Variants in SLC25A48 observed in about 807,000 individuals in gnomAD.
SLC25A48 encodes the protein solute carrier family 25 member 48.
SLC25A48 carries 29 observed loss-of-function variants against 32.2 expected under a neutral mutation model. That is an observed-to-expected ratio of 0.90 (90% confidence interval 0.67 to 1.23). The LOEUF is 1.23. Ranked by LOEUF, SLC25A48 falls within the 50% of genes most tolerant of loss-of-function variation. The probability of loss-of-function intolerance (pLI) is 0.00; values close to 1 mark genes in which losing one functional copy is unlikely to be tolerated. For missense variants in SLC25A48, 399 were observed against 422.7 expected (o/e 0.94, Z 0.49); for synonymous variants, 164 against 172.3 (o/e 0.95, Z 0.38).
At chr5:135,839,721 A>G (rs1238274921) in intron 1 of SLC25A48, among the ~76,000 whole-genome samples, 1 of 152,190 alleles carries the variant, frequency 6.6e-6, no homozygotes, top group East Asian at 1.9e-4. Context: ...AGCTCCCATA[A>G]TATGTCATGG....
chr5:135,806,778 A>C (rs1757473207), intron 3 of SLC25A48, among the ~76,000 whole-genome samples: 1 of 150,066 alleles, frequency 6.7e-6, no homozygotes, highest in South Asian at 2.1e-4. Context: ...AGTGTGTTAA[A>C]ACTAGACATT....
chr5:135,629,869 A>G lies in SLC25A48; in HGVS notation c.-709+493A>G, dbSNP rs1358097241. Among the ~76,000 whole-genome samples the G allele has an allele frequency of 6.6e-6, 1 of 152,202 alleles. No individual in the cohort carries two copies. Among genetic ancestry groups the G allele is most frequent in the Non-Finnish European group, 1.5e-5 (1 of 68,036 alleles). The stretch of plus-strand genomic sequence containing the variant: ...GAAAACCCTAGGGCAGAAACTATCA[A>G]GAACTTGCCGAAAGTAGTTGGAAGT... On this transcript the variant is annotated intron_variant, in intron 2 of 10. Transcript: ENST00000646290. This position sits in a 1 kb window ranked among gnomAD's most constrained non-coding sequence, Gnocchi z 4.8.
chr5:135,817,705 CTT>C (rs753675540), intron 4 of SLC25A48, among the ~76,000 whole-genome samples: 16 of 152,136 alleles, frequency 1.1e-4, no homozygotes, highest in Non-Finnish European at 2.4e-4. Flanking sequence ...CCTAGAAAGA[CTT>C]TGTTAATAAA....
chr5:135,596,605 G>A (rs2126880266), intron 1 of SLC25A48, among the ~76,000 whole-genome samples: 1 of 152,272 alleles, frequency 6.6e-6, no homozygotes, highest in South Asian at 2.1e-4. Context: ...GAGCAGAGGT[G>A]CTCAGTTGTC....
intron 3 of SLC25A48, among the ~76,000 whole-genome samples, chr5:135,761,801 C>T (rs2127018224): frequency 6.6e-6 from 1 of 152,270 alleles, no homozygotes; most frequent in Admixed American, 6.5e-5. Flanking sequence ...AGAGGTGAGA[C>T]CTCACTGTCC....
chr5:135,730,872 A>G (rs1472140857), intron 3 of SLC25A48, among the ~76,000 whole-genome samples: 1 of 152,198 alleles, frequency 6.6e-6, no homozygotes, highest in Non-Finnish European at 1.5e-5. Context: ...TCTGGTTTAC[A>G]GAGGAGGAAA....
At chr5:135,779,169 A>G (rs1036424242) in intron 3 of SLC25A48, among the ~76,000 whole-genome samples, 5 of 151,886 alleles carry the variant, frequency 3.3e-5, no homozygotes, top group African/African-American at 1.2e-4. Context: ...ATTGTTCCTA[A>G]TATCCAGAGC....
intron 1 of SLC25A48, among the ~76,000 whole-genome samples, chr5:135,625,018 C>T (rs1261417424): frequency 2.0e-5 from 3 of 152,134 alleles, no homozygotes; most frequent in East Asian, 1.9e-4. Flanking sequence ...CTCTCTGTCA[C>T]AGGGGAGAAG....
chr5:135,732,329 C>T (rs550513065), intron 3 of SLC25A48, among the ~76,000 whole-genome samples: 5 of 152,156 alleles, frequency 3.3e-5, no homozygotes, highest in African/African-American at 4.8e-5. Flanking sequence ...AAGGCCAAAC[C>T]GAGGAATTAT....
chr5:135,763,758 CACACAT>C lies in SLC25A48; in HGVS notation c.-520-48759_-520-48754del, dbSNP rs1020630543. 4.7e-4 allele frequency among the ~76,000 whole-genome samples: 42 copies of C among 88,438 alleles called. 1 individual carries two copies. Among genetic ancestry groups the C allele is most frequent in the South Asian group, 1.3e-3 (3 of 2,372 alleles). The allele number at this position is 88,438 out of a possible 152,430, so 58.0% of individuals were successfully genotyped here. On this transcript the variant is annotated intron_variant, in intron 3 of 10. Coordinates refer to the SLC25A48 transcript ENST00000646290. ...TTAGGAAACCGGAGAAATAGGAACA[CACACAT>C]ACACACACACACACACACACACACA...
chr5:135,794,916 G>C (rs1287497718), intron 3 of SLC25A48, among the ~76,000 whole-genome samples: 1 of 151,268 alleles, frequency 6.6e-6, no homozygotes, highest in East Asian at 1.9e-4. Context: ...CTGTGGGAAA[G>C]AAAGTGGTAT....
chr5:135,650,768 T>C (rs1753092500), intron 3 of SLC25A48, among the ~76,000 whole-genome samples: 2 of 152,108 alleles, frequency 1.3e-5, no homozygotes, highest in Admixed American at 1.3e-4. Context: ...ATTGAGCCTG[T>C]CATCTTTGTG....
intron 5 of SLC25A48, chr5:135,872,203 C>A: frequency 3.3e-6 from 1 of 302,396 alleles, no homozygotes; most frequent in Admixed American, 5.1e-5. Flanking sequence ...AAGTTCAAAT[C>A]CACACTTCAT....
At chr5:135,738,491 C>A (rs1755428967) in intron 3 of SLC25A48, among the ~76,000 whole-genome samples, 1 of 136,950 alleles carries the variant, frequency 7.3e-6, no homozygotes, top group African/African-American at 2.5e-5. Flanking sequence ...TGCTACAGGG[C>A]TATCAGGACC....
At chr5:135,870,139 G>C (rs543573751) in intron 4 of SLC25A48, among the ~76,000 whole-genome samples, 1 of 152,336 alleles carries the variant, frequency 6.6e-6, no homozygotes, top group South Asian at 2.1e-4. Context: ...TATGATGAAA[G>C]CTGTCTGCCT....
intron 6 of SLC25A48, chr5:135,874,804 A>G (rs1761926992): frequency 1.6e-6 from 1 of 643,246 alleles, no homozygotes; most frequent in African/African-American, 1.8e-5. Context: ...CTGGTGTCCA[A>G]GGTAATACAC....
intron 2 of SLC25A48, among the ~76,000 whole-genome samples, chr5:135,632,963 T>G (rs1580739317): frequency 6.6e-6 from 1 of 152,314 alleles, no homozygotes; most frequent in Non-Finnish European, 1.5e-5. Flanking sequence ...TGAGCATGCT[T>G]CCTGCTTCCA....
intron 3 of SLC25A48, among the ~76,000 whole-genome samples, chr5:135,677,700 G>A (rs763323314): frequency 1.3e-5 from 2 of 152,066 alleles, no homozygotes; most frequent in Non-Finnish European, 2.9e-5. Flanking sequence ...TTCTTATAAG[G>A]CTGGACTAGT....
intron 3 of SLC25A48, among the ~76,000 whole-genome samples, chr5:135,689,734 C>A (rs1048696097): frequency 6.6e-6 from 1 of 152,172 alleles, no homozygotes; most frequent in African/African-American, 2.4e-5. Context: ...GTCTCTGTAA[C>A]GCTGAATTGT....
Sources: allele counts gnomAD v4.1 joint callset (sites outside exome capture counted in the v4.1 genomes callset), GRCh38; gene constraint gnomAD v4.1.1; non-coding constraint Gnocchi (gnomAD v3.1); transcripts MANE v1.5; gene names NCBI Gene and HGNC (gene_info 2026-07-23, HGNC 2026-07-21).